Variants in UNC79 observed in about 807,000 individuals in gnomAD.
UNC79 encodes unc-79 subunit of NALCN channel complex.
In UNC79, 37 loss-of-function variants were observed where a neutral mutation model predicts 283.1. The ratio of observed to expected loss-of-function variants is 0.13; its 90% CI spans 0.10 to 0.17. The LOEUF (loss-of-function observed/expected upper bound fraction) is 0.17. UNC79 is among the 10% of genes least tolerant of loss of function. The pLI is 1.00. For synonymous variants in UNC79, 1,107 were observed against 1,200.2 expected (o/e 0.92, Z 1.61); for missense variants, 2,272 against 3,211.1 (o/e 0.71, Z 7.07).
At chr14:93,495,799 G>C (rs1480629046) in intron 5 of UNC79, among the ~76,000 whole-genome samples, 1 of 152,210 alleles carries the variant, frequency 6.6e-6, no homozygotes, top group African/African-American at 2.4e-5. Context: ...CATCTAACTA[G>C]GTTGAAAGAA....
In UNC79 at chr14:93,706,836, A is replaced by G; in HGVS notation, c.7723A>G (p.Thr2575Ala). ...AGCCCTCCGAAAGTGGTTGCAGTGC[A>G]CTCAGTTCAAAATGGCCCAGGTGGA... The change falls in exon 49 of 49, where the codon ACT becomes GCT. Residue 2575 changes from threonine (T) to alanine (A), a missense_variant. Thr to Ala is a moderately conservative substitution (Grantham distance 58). Transcript: ENST00000555664. 1.2e-6 allele frequency: 2 copies of G among 1,614,196 alleles called. No homozygotes were observed. Among genetic ancestry groups the G allele is most frequent in the South Asian group, 1.1e-5 (1 of 91,080 alleles).
At chr14:93,694,441 C>A in intron 47 of UNC79, 29 bp downstream of exon 50, 2 of 1,578,154 alleles carry the variant, frequency 1.3e-6, no homozygotes, top group Non-Finnish European at 1.7e-6. Context: ...TTTTAAAGAC[C>A]ATTTCTTACT....
intron 12 of UNC79, among the ~76,000 whole-genome samples, chr14:93,540,226 G>A (rs1413236498): frequency 1.3e-5 from 2 of 152,186 alleles, no homozygotes; most frequent in Non-Finnish European, 2.9e-5. Flanking sequence ...TCGTGTCTTT[G>A]AATATCAGAT....
intron 1 of UNC79, chr14:93,397,124 TTTTTA>T (rs2140020175): frequency 1.0e-5 from 1 of 97,708 alleles, no homozygotes; most frequent in East Asian, 2.1e-4. Flanking sequence ...ATTTGTTTAT[TTTTTA>T]TTTTATTTTT....
At chr14:93,679,549 G>T (rs2073658497) in intron 41 of UNC79, among the ~76,000 whole-genome samples, 1 of 152,158 alleles carries the variant, frequency 6.6e-6, no homozygotes, top group South Asian at 2.1e-4. Context: ...AGATCATATT[G>T]TTGAAGAAAG....
intron 1 of UNC79, among the ~76,000 whole-genome samples, chr14:93,413,418 G>C (rs1258350293): frequency 2.0e-5 from 3 of 150,966 alleles, no homozygotes; most frequent in Non-Finnish European, 4.4e-5. Flanking sequence ...TCTTAATCCA[G>C]TCTATCATTG....
chr14:93,662,227 C>T (rs1007334104), intron 39 of UNC79, among the ~76,000 whole-genome samples: 1 of 152,134 alleles, frequency 6.6e-6, no homozygotes, highest in South Asian at 2.1e-4. Flanking sequence ...GCTTCCAGAT[C>T]TGAATATGAT....
chr14:93,664,121 G>A (rs1163419345), intron 40 of UNC79, among the ~76,000 whole-genome samples: 2 of 152,026 alleles, frequency 1.3e-5, no homozygotes, highest in African/African-American at 4.8e-5. Flanking sequence ...TTAGTTGATG[G>A]TGTTCCTACC....
At position 93,521,009 on chromosome 14, in the gene UNC79, G is replaced by T. The variant is rs529411967; in HGVS notation, c.899-2969G>T. On this transcript the variant is annotated intron_variant, in intron 7 of 48. Transcript: ENST00000555664. ...TTACATTATTGAGTGTCTGAATTTT[G>T]CTGTCTTCCATTACAGTATGTTGAA... 2.0e-5 allele frequency among the ~76,000 whole-genome samples: 3 copies of T among 152,046 alleles called. No homozygotes were observed. The South Asian group carries it at 6.2e-4, about 32-fold the overall frequency.
chr14:93,397,897 A>T (rs9323889), intron 1 of UNC79, among the ~76,000 whole-genome samples: 107,133 of 151,816 alleles, frequency 0.71, 38,272 homozygotes, highest in Middle Eastern at 0.78. Context: ...CTGTCTCAAA[A>T]TTTTAAAAAA....
rs1555449179 is a variant in UNC79 at position 93,550,533 on chromosome 14, A to AAAAAAG, written c.1755+7842_1755+7843insGAAAAA. On this transcript the variant is annotated intron_variant, in intron 14 of 48. Coordinates refer to ENST00000555664, the Ensembl canonical transcript of UNC79. Reference sequence around the variant, plus strand: ...CCGTATCAAAAAAAAAAAAAAAAAAAAAAAAAAAGAGGAAGGAGTCTTCCC... The same window carrying AAAAAAG: ...CCGTATCAAAAAAAAAAAAAAAAAAAAAAAAGAAAAAAAAGAGGAAGGAGTCTTCCC... 5.7e-5 allele frequency among the ~76,000 whole-genome samples: 7 copies of AAAAAAG among 122,556 alleles called. 1 individual carries two copies. The highest frequency in any genetic ancestry group is 4.9e-5 in the Non-Finnish European group (3 of 61,128). The allele number at this position is 122,556 out of a possible 152,430, so 80.4% of individuals were successfully genotyped here. A position where few individuals can be genotyped will look rare whatever the true frequency, so the allele number is the denominator to read the frequency against.
intron 26 of UNC79, among the ~76,000 whole-genome samples, chr14:93,607,556 C>A (rs2065972138): frequency 6.6e-6 from 1 of 152,174 alleles, no homozygotes; most frequent in Non-Finnish European, 1.5e-5. Context: ...CGTGAGGACA[C>A]CAGTCTGGTT....
At chr14:93,358,163 G>A (rs2139934623) in intron 1 of UNC79, among the ~76,000 whole-genome samples, 1 of 151,984 alleles carries the variant, frequency 6.6e-6, no homozygotes, top group Admixed American at 6.6e-5. Flanking sequence ...ACTTCTAATA[G>A]TATGGAGAAC....
upstream of UNC79, among the ~76,000 whole-genome samples, chr14:93,427,899 G>A (rs1265218473): frequency 6.6e-6 from 1 of 152,042 alleles, no homozygotes; most frequent in Non-Finnish European, 1.5e-5. Flanking sequence ...ACTGGGTAGT[G>A]GTAACATTAG....
intron 47 of UNC79, among the ~76,000 whole-genome samples, chr14:93,696,786 T>C (rs571246211): frequency 6.6e-6 from 1 of 152,216 alleles, no homozygotes; most frequent in African/African-American, 2.4e-5. Flanking sequence ...ATTTACCAAT[T>C]TTTTTCTTTT....
chr14:93,344,964 G>A (rs137906439), intron 1 of UNC79, among the ~76,000 whole-genome samples: 2,446 of 152,292 alleles, frequency 0.016, 29 homozygotes, highest in Middle Eastern at 0.031. Flanking sequence ...TTGGGAGGCC[G>A]AGGCAGGTGG....
chr14:93,706,749 C>A, exon 49 of UNC79: 1 of 1,614,258 alleles, frequency 6.2e-7, no homozygotes, highest in Non-Finnish European at 8.5e-7. Context: ...TATTCAGAAC[C>A]ACGTGAACCA....
At chr14:93,471,395 T>C (rs2140300793) in intron 2 of UNC79, among the ~76,000 whole-genome samples, 1 of 152,262 alleles carries the variant, frequency 6.6e-6, no homozygotes, top group East Asian at 1.9e-4. Flanking sequence ...AAGTCAATGT[T>C]TGATAAAGAG....
chr14:93,597,232 A>C (rs549969807), intron 23 of UNC79, 127 bp from the exon 24 acceptor site: 1 of 933,878 alleles, frequency 1.1e-6, no homozygotes, highest in East Asian at 2.5e-5. Context: ...AAAGTAAACC[A>C]TGCGGGAGAC....
Sources: allele counts gnomAD v4.1 joint callset (sites outside exome capture counted in the v4.1 genomes callset), GRCh38; gene constraint gnomAD v4.1.1; transcripts MANE v1.5; gene names NCBI Gene and HGNC (gene_info 2026-07-23, HGNC 2026-07-21).